The following UNC13C variants were observed in gnomAD, a reference collection of about 807,000 sequenced individuals.
UNC13C encodes unc-13 homolog C.
In UNC13C, 174 loss-of-function variants were observed where a neutral mutation model predicts 245.4. The ratio of observed to expected loss-of-function variants is 0.71; its 90% CI spans 0.63 to 0.80. UNC13C has a LOEUF of 0.80. UNC13C is among the 30% of genes least tolerant of loss of function. UNC13C has a pLI of 0.00. For synonymous variants in UNC13C, 992 were observed against 895.1 expected, an observed-to-expected ratio of 1.11 and a Z score of -1.93; for missense variants, 2,829 against 2,602.9, an observed-to-expected ratio of 1.09 and a Z score of -1.89.
intron 10 of UNC13C, among the ~76,000 whole-genome samples, chr15:54,271,867 T>C (rs1567150200): frequency 6.6e-6 from 1 of 152,212 alleles, no homozygotes. Context: ...TGTAACCGAC[T>C]GGACAATCAG....
At chr15:54,526,735 G>A (rs899897006) in intron 25 of UNC13C, among the ~76,000 whole-genome samples, 2 of 105,956 alleles carry the variant, frequency 1.9e-5, no homozygotes, top group African/African-American at 7.6e-5. Flanking sequence ...CAGAGACTCC[G>A]TCTAGAAAAA....
chr15:54,234,929 A>G (rs1224171550), intron 4 of UNC13C, 101 bp from the exon 5 acceptor site: 13 of 990,608 alleles, frequency 1.3e-5, no homozygotes, highest in African/African-American at 1.6e-5. Context: ...TATGGTATCC[A>G]GGTCATCTTT....
At chr15:54,079,310 A>G (rs1023026994) in intron 2 of UNC13C, among the ~76,000 whole-genome samples, 1 of 151,970 alleles carries the variant, frequency 6.6e-6, no homozygotes, top group African/African-American at 2.4e-5. Context: ...TTTTAGTTCC[A>G]TATTAATTTT....
intron 25 of UNC13C, among the ~76,000 whole-genome samples, chr15:54,528,346 C>T (rs1895578955): frequency 6.8e-6 from 1 of 148,060 alleles, no homozygotes; most frequent in African/African-American, 2.5e-5. Flanking sequence ...TATTAACCAA[C>T]ACCTTTAGTA....
chr15:54,309,928 A>T (rs1567177417), intron 13 of UNC13C, among the ~76,000 whole-genome samples: 2 of 151,770 alleles, frequency 1.3e-5, no homozygotes, highest in African/African-American at 4.8e-5. Context: ...TATTACTCTA[A>T]CTTTTCCCAT....
the UNC13C span, among the ~76,000 whole-genome samples, chr15:53,931,236 T>A: frequency 3.3e-5 from 5 of 152,180 alleles, no homozygotes; most frequent in Non-Finnish European, 7.3e-5. Flanking sequence ...TGGCACGATC[T>A]TGGTTCACTG....
At chr15:54,293,851 GAGC>G in intron 10 of UNC13C, 41 bp from the exon 11 acceptor site, 1 of 1,442,376 alleles carries the variant, frequency 6.9e-7, no homozygotes, top group Non-Finnish European at 9.2e-7. Flanking sequence ...ATGGAATTTA[GAGC>G]AGTTTTCAAT....
At position 54,526,661 on chromosome 15, in the gene UNC13C, G is replaced by A. The variant is rs947793498; in HGVS notation, c.5546+1024G>A. Among the ~76,000 whole-genome samples, 6 of 149,230 alleles carry A rather than the reference G, an allele frequency of 4.0e-5. No homozygotes were observed. In the South Asian group the frequency reaches 6.4e-4, roughly 16 times the overall value. ...CAGGAGGCTGAGGCAGGAGAATGGC[G>A]TGAACCCTGGAGGTGGAGCTTGCAG... On this transcript the variant is annotated intron_variant, in intron 25 of 32. Transcript: ENST00000260323.
chr15:54,198,836 C>T (rs565537267), intron 4 of UNC13C, among the ~76,000 whole-genome samples: 1 of 151,922 alleles, frequency 6.6e-6, no homozygotes, highest in South Asian at 2.1e-4. Flanking sequence ...AAGCAGTTCA[C>T]CTGTAATGGA....
chr15:54,192,229 AT>A (rs1489966167), intron 4 of UNC13C, among the ~76,000 whole-genome samples: 1 of 152,052 alleles, frequency 6.6e-6, no homozygotes, highest in African/African-American at 2.4e-5. Context: ...AACTTTTTAT[AT>A]TTAGGGAATA....
the UNC13C span, among the ~76,000 whole-genome samples, chr15:53,954,364 A>C: frequency 6.6e-6 from 1 of 152,256 alleles, no homozygotes; most frequent in African/African-American, 2.4e-5. Context: ...ATATGATGAT[A>C]GATGCTGGGC....
chr15:53,939,483 T>C, the UNC13C span, among the ~76,000 whole-genome samples: 1 of 152,112 alleles, frequency 6.6e-6, no homozygotes, highest in East Asian at 1.9e-4. Context: ...CCTAACTCTT[T>C]CTATGAGGCC....
chr15:54,278,101 A>G (rs2036882176), intron 10 of UNC13C, among the ~76,000 whole-genome samples: 1 of 152,044 alleles, frequency 6.6e-6, no homozygotes, highest in Admixed American at 6.6e-5. Flanking sequence ...TTTCCTTACC[A>G]TCTTTGGCCA....
intron 13 of UNC13C, among the ~76,000 whole-genome samples, chr15:54,303,302 G>C (rs956279891): frequency 1.3e-5 from 2 of 152,174 alleles, no homozygotes; most frequent in African/African-American, 4.8e-5. Context: ...TAAAATGCAA[G>C]TATGATGAAC....
rs1311483463 is a variant in UNC13C, at chr15:54,507,128, A to G, written c.5313A>G (p.Lys1771=). 2 of 1,596,216 alleles carry G rather than the reference A, an allele frequency of 1.3e-6. No individual in the cohort carries two copies. The highest frequency in any genetic ancestry group is 4.5e-5 in the East Asian group (2 of 44,480). Residue 1771 remains lysine, a synonymous_variant, in exon 23 of 33, where the codon AAA becomes AAG. Coordinates refer to ENST00000260323, the MANE Select transcript of UNC13C (RefSeq NM_001080534.3). ...GTTTTCTTTCTTAGACTATCAATAA[A>G]GTGCTGCTCCAGTATGCTGCAATTG... The part of the protein sequence containing the change: ...LMRRFAKTIN[K]VLLQYAAIVS...
At chr15:53,883,830 T>C in the UNC13C span, among the ~76,000 whole-genome samples, 1 of 152,230 alleles carries the variant, frequency 6.6e-6, no homozygotes, top group Non-Finnish European at 1.5e-5. Context: ...AAATAGGTTT[T>C]GTTTTGACTT....
chr15:53,967,320 ATT>A, the UNC13C span, among the ~76,000 whole-genome samples: 2 of 112,830 alleles, frequency 1.8e-5, no homozygotes, highest in African/African-American at 6.6e-5. Flanking sequence ...TAAGAGCACA[ATT>A]TTTTTTTTGT....
At chr15:54,327,204 A>G (rs2038319876) in intron 14 of UNC13C, among the ~76,000 whole-genome samples, 1 of 152,066 alleles carries the variant, frequency 6.6e-6, no homozygotes, top group Non-Finnish European at 1.5e-5. Context: ...AAATAAATCA[A>G]TTGTAAAATT....
chr15:54,254,675 A>G (rs1042483686), intron 8 of UNC13C, among the ~76,000 whole-genome samples: 1 of 152,232 alleles, frequency 6.6e-6, no homozygotes, highest in Non-Finnish European at 1.5e-5. Flanking sequence ...TGTCTCATCA[A>G]AAGGATCAAG....
Sources: allele counts gnomAD v4.1 joint callset (sites outside exome capture counted in the v4.1 genomes callset), GRCh38; gene constraint gnomAD v4.1.1; transcripts MANE v1.5; gene names NCBI Gene and HGNC (gene_info 2026-07-23, HGNC 2026-07-21).